CDKAL1: variants seen among roughly 807,000 people sequenced by gnomAD.
CDKAL1 encodes the protein threonylcarbamoyladenosine tRNA methylthiotransferase.
Under a neutral mutation model 68.2 loss-of-function variants are expected in CDKAL1, and 32 were observed. The ratio of observed to expected loss-of-function variants is 0.47; its 90% CI spans 0.35 to 0.63. CDKAL1 has a LOEUF of 0.63. CDKAL1 is among the 30% of genes least tolerant of loss of function. CDKAL1 has a pLI of 0.00. For synonymous variants in CDKAL1, 234 were observed against 244.3 expected, an observed-to-expected ratio of 0.96 and a Z score of 0.39; for missense variants, 606 against 696.7, an observed-to-expected ratio of 0.87 and a Z score of 1.47.
chr6:20,783,615 A>G (rs1775529282), intron 8 of CDKAL1, among the ~76,000 whole-genome samples: 1 of 152,066 alleles, frequency 6.6e-6, no homozygotes, highest in Non-Finnish European at 1.5e-5. Context: ...CTATGTGCTC[A>G]TTTCTTGGGA....
intron 15 of CDKAL1, among the ~76,000 whole-genome samples, chr6:21,217,824 T>C (rs1257720592): frequency 1.3e-5 from 2 of 152,182 alleles, no homozygotes; most frequent in Non-Finnish European, 2.9e-5. Context: ...GAACTCGCTG[T>C]GTTGCCCAGG....
chr6:21,089,864 G>A (rs1267427856), intron 12 of CDKAL1, among the ~76,000 whole-genome samples: 2 of 152,202 alleles, frequency 1.3e-5, no homozygotes, highest in Non-Finnish European at 2.9e-5. Flanking sequence ...AGTGAGATTT[G>A]AGGACATTGG....
chr6:20,962,774 T>C (rs1765114911), intron 10 of CDKAL1, among the ~76,000 whole-genome samples: 1 of 152,200 alleles, frequency 6.6e-6, no homozygotes, highest in Non-Finnish European at 1.5e-5. Context: ...TAAAAAGACA[T>C]GCTAGATTAC....
chr6:20,984,985 A>G (rs139065069), intron 10 of CDKAL1, among the ~76,000 whole-genome samples: 1 of 152,038 alleles, frequency 6.6e-6, no homozygotes, highest in East Asian at 1.9e-4. Context: ...TATCACTACT[A>G]CTGTATCACT....
chr6:21,145,099 G>A (rs1776103835), intron 13 of CDKAL1, among the ~76,000 whole-genome samples: 1 of 152,148 alleles, frequency 6.6e-6, no homozygotes, highest in Non-Finnish European at 1.5e-5. Context: ...GAGGGCTGCA[G>A]AGCTGGGTGG....
chr6:20,899,570 G>A (rs879752195), intron 9 of CDKAL1, among the ~76,000 whole-genome samples: 6 of 152,192 alleles, frequency 3.9e-5, no homozygotes, highest in Non-Finnish European at 7.3e-5. Flanking sequence ...CTGGTTGGGT[G>A]TGGTGGCTCA....
chr6:21,164,571 T>C (rs914277329), intron 13 of CDKAL1, among the ~76,000 whole-genome samples: 2 of 152,238 alleles, frequency 1.3e-5, no homozygotes, highest in African/African-American at 4.8e-5. Context: ...CTTGATGCCA[T>C]TTATGCCTAA....
intron 9 of CDKAL1, among the ~76,000 whole-genome samples, chr6:20,875,584 T>C (rs1030732725): frequency 1.3e-5 from 2 of 152,174 alleles, no homozygotes; most frequent in Non-Finnish European, 2.9e-5. Flanking sequence ...GCAGCAGCGC[T>C]GTAAGCATTT....
At position 20,926,934 on chromosome 6, in the gene CDKAL1, T is replaced by G. The variant is rs547509304; in HGVS notation, c.743-28485T>G. The stretch of plus-strand genomic sequence containing the variant: ...ATTTACATATATATTTTTATATATA[T>G]ATATAGAGAGAGAGAGACATGAATA... On this transcript the variant is annotated intron_variant, in intron 9 of 15. Coordinates refer to ENST00000274695, the MANE Select transcript of CDKAL1 (RefSeq NM_017774.3). 7.6e-4 allele frequency among the ~76,000 whole-genome samples: 113 copies of G among 148,454 alleles called. 1 individual carries two copies. The South Asian group carries it at 0.012, about 16-fold the overall frequency.
intron 10 of CDKAL1, among the ~76,000 whole-genome samples, chr6:20,975,755 G>A (rs984875503): frequency 6.6e-6 from 1 of 152,062 alleles, no homozygotes; most frequent in African/African-American, 2.4e-5. Flanking sequence ...AAGATACAAA[G>A]CTTTCAAAGA....
chr6:20,608,162 G>C (rs767782325), intron 4 of CDKAL1, among the ~76,000 whole-genome samples: 4 of 152,152 alleles, frequency 2.6e-5, no homozygotes, highest in African/African-American at 7.2e-5. Flanking sequence ...CATATAAACA[G>C]CATTATTATC....
intron 8 of CDKAL1, among the ~76,000 whole-genome samples, chr6:20,791,428 A>G (rs1287958448): frequency 6.6e-6 from 1 of 152,144 alleles, no homozygotes; most frequent in African/African-American, 2.4e-5. Context: ...TCATCTGACC[A>G]GTTTTTTTCA....
intron 13 of CDKAL1, among the ~76,000 whole-genome samples, chr6:21,184,277 C>A (rs1562098913): frequency 6.6e-6 from 1 of 150,532 alleles, no homozygotes; most frequent in Non-Finnish European, 1.5e-5. Context: ...TTACTGCAAT[C>A]TCTACCTCCC....
intron 10 of CDKAL1, among the ~76,000 whole-genome samples, chr6:20,956,385 G>C (rs571230564): frequency 2.6e-5 from 4 of 152,260 alleles, no homozygotes; most frequent in Non-Finnish European, 2.9e-5. Flanking sequence ...TATGAGCAAA[G>C]AATATGGACA....
At chr6:20,643,318 C>A (rs1236611037) in intron 4 of CDKAL1, among the ~76,000 whole-genome samples, 1 of 152,226 alleles carries the variant, frequency 6.6e-6, no homozygotes, top group Non-Finnish European at 1.5e-5. Flanking sequence ...AAGGTGTTAA[C>A]CTCTTAGCAG....
At chr6:21,156,263 A>T (rs965316154) in intron 13 of CDKAL1, among the ~76,000 whole-genome samples, 2 of 151,844 alleles carry the variant, frequency 1.3e-5, no homozygotes, top group African/African-American at 4.8e-5. Flanking sequence ...TCTATAAAAA[A>T]TTTTTAAAAA....
At chr6:21,016,840 AAGT>A (rs1768368176) in intron 11 of CDKAL1, among the ~76,000 whole-genome samples, 1 of 152,128 alleles carries the variant, frequency 6.6e-6, no homozygotes, top group African/African-American at 2.4e-5. Context: ...CTGCCTCTTT[AAGT>A]AAGTATAGGT....
rs781085398 is a variant in CDKAL1, at chr6:21,065,072, A to C, written c.1080A>C (p.Thr360=). 3.2e-6 allele frequency: 5 copies of C among 1,581,846 alleles called. No homozygotes were observed. The South Asian group carries it at 6.1e-5, about 19-fold the overall frequency. Reference sequence around the variant, plus strand: ...GAGTTCCTGGAATAACTATTGCTACAGATATTATCTGTGGTTTTCCTGGAG... The same window carrying C: ...GAGTTCCTGGAATAACTATTGCTACCGATATTATCTGTGGTTTTCCTGGAG... The part of the protein sequence containing the change: ...KEKVPGITIA[T]DIICGFPGET... The change falls in exon 12 of 16, where the codon ACA becomes ACC. Residue 360 remains threonine (T), a synonymous_variant. Transcript: ENST00000274695.
At chr6:20,810,994 G>A (rs1328623549) in intron 8 of CDKAL1, among the ~76,000 whole-genome samples, 1 of 152,082 alleles carries the variant, frequency 6.6e-6, no homozygotes, top group East Asian at 1.9e-4. Context: ...AGACTGAAAT[G>A]GCTTCAATAC....
Sources: gnomAD v4.1 joint callset for allele counts (sites outside exome capture counted in the v4.1 genomes callset) on GRCh38, gnomAD v4.1.1 for gene constraint, MANE v1.5 for transcripts, NCBI Gene and HGNC (gene_info 2026-07-23, HGNC 2026-07-21) for gene names.